Variants in TEX26 observed in about 807,000 individuals in gnomAD.
TEX26 encodes the protein testis expressed 26.
Under a neutral mutation model 35.3 loss-of-function variants are expected in TEX26, and 34 were observed. That is an observed-to-expected ratio of 0.96 (90% CI 0.73 to 1.28). The LOEUF is 1.28. Among genes scored for constraint, TEX26 ranks in the 50% most tolerant of loss-of-function variants. The pLI is 0.00. For missense variants in TEX26, 371 were observed against 330.1 expected, an observed-to-expected ratio of 1.12 and a Z score of -0.96; for synonymous variants, 136 against 111.8, an observed-to-expected ratio of 1.22 and a Z score of -1.36.
chr13:30,940,596 G>A (rs2138185784), intron 2 of TEX26, among the ~76,000 whole-genome samples: 1 of 152,208 alleles, frequency 6.6e-6, no homozygotes, highest in East Asian at 1.9e-4. Flanking sequence ...GCCTTCCCAA[G>A]TGTTGGGATT....
chr13:30,959,961 G>C (rs964641618), intron 4 of TEX26, among the ~76,000 whole-genome samples: 1 of 152,146 alleles, frequency 6.6e-6, no homozygotes, highest in Non-Finnish European at 1.5e-5. Context: ...CTTCTACATA[G>C]AAATCCTGGA....
chr13:30,937,605 G>A (rs1953322507), intron 1 of TEX26, among the ~76,000 whole-genome samples: 1 of 152,156 alleles, frequency 6.6e-6, no homozygotes, highest in Non-Finnish European at 1.5e-5. Flanking sequence ...CTGCTATTGG[G>A]ATAAAATGCT....
chr13:30,950,903 G>A (rs1953896806), intron 2 of TEX26, among the ~76,000 whole-genome samples: 1 of 152,204 alleles, frequency 6.6e-6, no homozygotes, highest in African/African-American at 2.4e-5. Flanking sequence ...GGTGAAATGG[G>A]GAAGGGAGAA....
In TEX26 at chr13:30,966,181, A is replaced by G. The variant is rs74046407; in HGVS notation, c.470-41A>G. 8,827 of 1,611,478 alleles carry G rather than the reference A, an allele frequency of 5.5e-3. 320 individuals carry two copies. In the African/African-American group the frequency reaches 0.091, roughly 17 times the overall value. ...AAGAGTGGGTTTAGCTACTTTGTTCACAAGGAGTAAGTATTGCCTTCCATT... is the reference window on the plus strand; with the variant it reads ...AAGAGTGGGTTTAGCTACTTTGTTCGCAAGGAGTAAGTATTGCCTTCCATT... On this transcript the variant is annotated intron_variant, in intron 4 of 6. Transcript: ENST00000380473.
intron 4 of TEX26, among the ~76,000 whole-genome samples, chr13:30,963,018 CG>C (rs1348552082): frequency 6.6e-6 from 1 of 150,844 alleles, no homozygotes. Context: ...TTAGTAGGGA[CG>C]GGGTTTCTCA....
chr13:30,965,345 A>G (rs927548689), intron 4 of TEX26, among the ~76,000 whole-genome samples: 2 of 152,236 alleles, frequency 1.3e-5, no homozygotes, highest in Non-Finnish European at 2.9e-5. Context: ...GATACATAAT[A>G]TATATTAGGA....
At chr13:30,935,304 T>C (rs77076789) in intron 1 of TEX26, among the ~76,000 whole-genome samples, 4,617 of 152,312 alleles carry the variant, frequency 0.03, 148 homozygotes, top group African/African-American at 0.079. Flanking sequence ...CCCCACCCTC[T>C]GACCAGGGAG....
Position 30,932,687 on chromosome 13 carries a change from A to G in TEX26, c.-29A>G. ...CGCAAGCGCTGAGATAGCTGGAGCC[A>G]GGGCCCCGCGGCCGCCTCCTGGGGC... On this transcript the variant is annotated 5_prime_UTR_variant, in exon 1 of 7. Coordinates refer to ENST00000380473, the MANE Select transcript of TEX26 (RefSeq NM_152325.3). The G allele has an allele frequency of 6.2e-7, 1 of 1,608,264 alleles. No individual in the cohort carries two copies. Among genetic ancestry groups the G allele is most frequent in the Non-Finnish European group, 8.5e-7 (1 of 1,177,992 alleles).
intron 3 of TEX26, among the ~76,000 whole-genome samples, chr13:30,954,537 C>T (rs902292999): frequency 2.0e-5 from 3 of 151,830 alleles, no homozygotes; most frequent in Non-Finnish European, 4.4e-5. Context: ...GAGGTCACTA[C>T]AGCCTCGAAC....
intron 2 of TEX26, among the ~76,000 whole-genome samples, 167 bp from the exon 3 acceptor site, chr13:30,952,493 G>A (rs936090987): frequency 6.6e-6 from 1 of 152,046 alleles, no homozygotes; most frequent in South Asian, 2.1e-4. Flanking sequence ...TAAAATACAG[G>A]GTTGTTTTCC....
In TEX26 at chr13:30,966,368, T is replaced by A. The variant is rs1313871182; in HGVS notation, c.616T>A (p.Ser206Thr). 6.2e-7 allele frequency: 1 copy of A among 1,613,084 alleles called. No homozygotes were observed. Among genetic ancestry groups the A allele is most frequent in the East Asian group, 2.2e-5 (1 of 44,830 alleles). Reference sequence around the variant, plus strand: ...TTTCAGTTTCAAATATGGATGCTACTCAAGCTTGCCTGTTGCTTCTCAGGG... The same window carrying A: ...TTTCAGTTTCAAATATGGATGCTACACAAGCTTGCCTGTTGCTTCTCAGGG... ...QDFSFKYGCYSSLPVASQGLV... is the reference protein window; with the variant it reads ...QDFSFKYGCYTSLPVASQGLV... The change falls in exon 5 of 7, where the codon TCA (serine) becomes ACA (threonine). Residue 206 changes from serine to threonine, a missense_variant. Transcript: ENST00000380473.
At chr13:30,958,583 C>A (rs568026838) in intron 4 of TEX26, among the ~76,000 whole-genome samples, 1 of 152,214 alleles carries the variant, frequency 6.6e-6, no homozygotes, top group Non-Finnish European at 1.5e-5. Context: ...TGACACATCT[C>A]TCAAGGTCTG....
chr13:30,936,561 A>C (rs144603369), intron 1 of TEX26, among the ~76,000 whole-genome samples: 1,564 of 152,198 alleles, frequency 0.01, 32 homozygotes, highest in African/African-American at 0.036. Flanking sequence ...AGCAAAAAGA[A>C]TTGCACCCTC....
At chr13:30,933,838 C>T (rs1310553130) in intron 1 of TEX26, 3 of 152,190 alleles carry the variant, frequency 2.0e-5, no homozygotes, top group Non-Finnish European at 2.9e-5. Flanking sequence ...ATTTCATCCC[C>T]TTCTTGTCTG....
rs747590592 is a variant in TEX26, at chr13:30,974,119, T to TAAAA, written c.809-717_809-714dup. ...CTGGGCAATAGAGTGAGCCTCCATCTAAAAAAAAAAAAATATATATATATA... is the reference window on the plus strand; with the variant it reads ...CTGGGCAATAGAGTGAGCCTCCATCTAAAAAAAAAAAAAAAAATATATATATATA... On this transcript the variant is annotated intron_variant, in intron 6 of 6. Transcript: ENST00000380473. Among the ~76,000 whole-genome samples, 414 of 74,324 alleles carry TAAAA rather than the reference T, an allele frequency of 5.6e-3. 15 individuals carry two copies. The highest frequency in any genetic ancestry group is 0.021 in the African/African-American group (316 of 15,274). 48.8% of individuals were successfully genotyped at this position (74,324 alleles called of 152,430 possible).
At chr13:30,972,901 T>C (rs1954761661) in intron 6 of TEX26, among the ~76,000 whole-genome samples, 1 of 152,248 alleles carries the variant, frequency 6.6e-6, no homozygotes, top group African/African-American at 2.4e-5. Context: ...CCTTCCAAAG[T>C]GCTGGAATTA....
intron 3 of TEX26, 46 bp downstream of exon 3, chr13:30,952,871 T>C: frequency 1.3e-6 from 2 of 1,494,902 alleles, no homozygotes; most frequent in Non-Finnish European, 1.8e-6. Context: ...CTGTACTGTA[T>C]CAACAACTCA....
chr13:30,944,565 G>T (rs1953633518), intron 2 of TEX26, among the ~76,000 whole-genome samples: 1 of 151,828 alleles, frequency 6.6e-6, no homozygotes, highest in African/African-American at 2.4e-5. Flanking sequence ...CAGACTTTTT[G>T]CTGTAGGCAT....
chr13:30,962,896 C>A (rs1461545688), intron 4 of TEX26, among the ~76,000 whole-genome samples: 1 of 151,850 alleles, frequency 6.6e-6, no homozygotes, highest in African/African-American at 2.4e-5. Context: ...GATCTTGGCT[C>A]ACTGCAAGCT....
Sources: allele counts gnomAD v4.1 joint callset (sites outside exome capture counted in the v4.1 genomes callset), GRCh38; gene constraint gnomAD v4.1.1; transcripts MANE v1.5; gene names NCBI Gene and HGNC (gene_info 2026-07-23, HGNC 2026-07-21).